TDRD3: variants seen among roughly 807,000 people sequenced by gnomAD.
TDRD3 encodes the protein tudor domain containing 3.
Under a neutral mutation model 86.7 loss-of-function variants are expected in TDRD3, and 45 were observed. That is an observed-to-expected ratio of 0.52 (90% CI 0.41 to 0.67). The LOEUF (loss-of-function observed/expected upper bound fraction) is 0.67. Ranked by LOEUF, TDRD3 falls within the 30% of genes least tolerant of loss-of-function variation. The probability of loss-of-function intolerance (pLI) is 0.00; values close to 1 mark genes in which losing one functional copy is unlikely to be tolerated. For missense variants in TDRD3, 814 were observed against 889.0 expected, an observed-to-expected ratio of 0.92 and a Z score of 1.07; for synonymous variants, 298 against 301.7, an observed-to-expected ratio of 0.99 and a Z score of 0.13.
chr13:60,528,670 A>G lies in TDRD3; in HGVS notation c.1445A>G (p.Asp482Gly), dbSNP rs746726013. ...TATTCTAGATATGACAGAACTAAAGATACTTCATATCCTTTAGGTTCTCAG... is the reference window on the plus strand; with the variant it reads ...TATTCTAGATATGACAGAACTAAAGGTACTTCATATCCTTTAGGTTCTCAG... ...RPYSRYDRTKDTSYPLGSQHS... is the reference protein window; with the variant it reads ...RPYSRYDRTKGTSYPLGSQHS... The change falls in exon 11 of 14, where the codon GAT becomes GGT. Residue 482 changes from aspartate to glycine, a missense_variant. By Grantham distance (94) the Asp-to-Gly change is moderately conservative (BLOSUM62 -1). Coordinates refer to ENST00000377881, the MANE Select transcript of TDRD3 (RefSeq NM_001146070.2). 3 of 1,613,838 alleles carry G rather than the reference A, an allele frequency of 1.9e-6. No individual in the cohort carries two copies. The highest frequency in any genetic ancestry group is 2.5e-6 in the Non-Finnish European group (3 of 1,179,786).
chr13:60,412,008 C>T (rs929004591), intron 1 of TDRD3, among the ~76,000 whole-genome samples: 6 of 152,104 alleles, frequency 3.9e-5, no homozygotes, highest in East Asian at 1.9e-4. Context: ...AGAGAGACAT[C>T]GTATCCTTGG....
chr13:60,415,588 A>T (rs772786171), intron 1 of TDRD3, among the ~76,000 whole-genome samples: 10 of 152,148 alleles, frequency 6.6e-5, no homozygotes, highest in Non-Finnish European at 1.2e-4. Context: ...TCATTCACAC[A>T]CTTAAAGAAT....
At chr13:60,423,032 T>C (rs796656846) in intron 1 of TDRD3, among the ~76,000 whole-genome samples, 28 of 152,128 alleles carry the variant, frequency 1.8e-4, no homozygotes, top group African/African-American at 6.3e-4. Flanking sequence ...ATTAAGATAA[T>C]AAAATCCTTA....
Position 60,573,837 on chromosome 13 carries a change from T to C in TDRD3, c.*231T>C, listed in dbSNP as rs1423584824. On this transcript the variant is annotated 3_prime_UTR_variant, in exon 14 of 14. Coordinates refer to ENST00000377881, the MANE Select transcript of TDRD3 (RefSeq NM_001146070.2). Reference sequence around the variant, plus strand: ...CCTTTTACAAGTGAAAGGAAGAATTTTTCTTCTGCCGTCAATAAAACCATT... The same window carrying C: ...CCTTTTACAAGTGAAAGGAAGAATTCTTCTTCTGCCGTCAATAAAACCATT... 5.6e-6 allele frequency: 1 copy of C among 178,586 alleles called. No individual in the cohort carries two copies. The highest frequency in any genetic ancestry group is 1.1e-5 in the Non-Finnish European group (1 of 92,348). 11.1% of individuals were successfully genotyped at this position (178,586 alleles called of 1,614,324 possible).
chr13:60,506,698 A>G lies in TDRD3; in HGVS notation c.859-3065A>G, dbSNP rs138020007. On this transcript the variant is annotated intron_variant, in intron 8 of 13. Coordinates refer to ENST00000377881, the MANE Select transcript of TDRD3 (RefSeq NM_001146070.2). Reference sequence around the variant, plus strand: ...CTGGAACCTGGGAGGCGGAGTTTGCAGTGAGCTGAGATTGCACTACGGCAC... The same window carrying G: ...CTGGAACCTGGGAGGCGGAGTTTGCGGTGAGCTGAGATTGCACTACGGCAC... Among the ~76,000 whole-genome samples the G allele has an allele frequency of 1.3e-4, 20 of 152,206 alleles. No individual in the cohort carries two copies. The East Asian group carries it at 3.3e-3, about 25-fold the overall frequency.
At position 60,438,060 on chromosome 13, in the gene TDRD3, G is replaced by A. The variant is rs76240680; in HGVS notation, c.42-1628G>A. ...AGCTGTTTATGTATTGTGTTATACTGTATAGCAGACTGTAAACTTCTTGAG... is the reference window on the plus strand; with the variant it reads ...AGCTGTTTATGTATTGTGTTATACTATATAGCAGACTGTAAACTTCTTGAG... On this transcript the variant is annotated intron_variant, in intron 1 of 13. Transcript: ENST00000377881. 4.1e-3 allele frequency among the ~76,000 whole-genome samples: 620 copies of A among 152,070 alleles called. 3 individuals carry two copies. The highest frequency in any genetic ancestry group is 0.014 in the African/African-American group (577 of 41,488).
chr13:60,471,440 A>G (rs1473017455), intron 5 of TDRD3, among the ~76,000 whole-genome samples: 1 of 151,990 alleles, frequency 6.6e-6, no homozygotes, highest in Non-Finnish European at 1.5e-5. Flanking sequence ...GTAACTTTTT[A>G]TTAAGTTTCA....
At chr13:60,523,573 C>CTTTTTTTT (rs67692021) in intron 10 of TDRD3, among the ~76,000 whole-genome samples, 31 of 105,014 alleles carry the variant, frequency 3.0e-4, no homozygotes, top group East Asian at 5.5e-4. Flanking sequence ...ATACATTTTT[C>CTTTTTTTT]TTTTTTTTTT....
chr13:60,439,796 A>T lies in TDRD3; in HGVS notation c.126+24A>T. ...ATGTAGGTTATATTTATTAACTTGT[A>T]AACATTTGAAATCTGGAAGCTGTAT... is the stretch of plus-strand genomic sequence containing the variant. On this transcript the variant is annotated intron_variant, in intron 2 of 13. Transcript: ENST00000377881. 3 of 1,438,296 alleles carry T rather than the reference A, an allele frequency of 2.1e-6. 1 individual carries two copies. The South Asian group carries it at 4.4e-5, about 21-fold the overall frequency. The allele number at this position is 1,438,296 out of a possible 1,614,324, so 89.1% of individuals were successfully genotyped here. A position where few individuals can be genotyped will look rare whatever the true frequency, so the allele number is the denominator to read the frequency against.
At chr13:60,557,929 T>C (rs1958239443) in intron 12 of TDRD3, among the ~76,000 whole-genome samples, 1 of 148,726 alleles carries the variant, frequency 6.7e-6, no homozygotes. Context: ...TTCAAGTGAT[T>C]CTTCTGCCTC....
chr13:60,541,005 C>A (rs965212612), intron 12 of TDRD3, among the ~76,000 whole-genome samples: 1 of 152,062 alleles, frequency 6.6e-6, no homozygotes, highest in African/African-American at 2.4e-5. Context: ...ATAATTTAAG[C>A]CTCAAATTAT....
At chr13:60,450,979 TACAC>T (rs573629394) in intron 3 of TDRD3, among the ~76,000 whole-genome samples, 1 of 152,114 alleles carries the variant, frequency 6.6e-6, no homozygotes, top group Non-Finnish European at 1.5e-5. Flanking sequence ...AGATCACGCA[TACAC>T]ACACACTATA....
upstream of TDRD3, among the ~76,000 whole-genome samples, chr13:60,396,083 G>A (rs954369376): frequency 3.9e-5 from 6 of 152,142 alleles, no homozygotes; most frequent in African/African-American, 1.4e-4. Context: ...TTCCGTAACT[G>A]CCAATTTCCT....
At position 60,537,273 on chromosome 13, in the gene TDRD3, T is replaced by C. The variant is rs530652231; in HGVS notation, c.2118+2040T>C. The C allele has an allele frequency of 9.2e-5, 14 of 152,230 alleles. No homozygotes were observed. The East Asian group carries it at 2.7e-3, about 29-fold the overall frequency. The allele number at this position is 152,230 out of a possible 1,614,324, so 9.4% of individuals were successfully genotyped here. On this transcript the variant is annotated intron_variant, in intron 12 of 13. Transcript: ENST00000377881. ...AGACATCTCTGGATCATGCACATTA[T>C]GATCAGCCTTTCTTCTTTATCTGCA... is the stretch of plus-strand genomic sequence containing the variant.
intron 13 of TDRD3, among the ~76,000 whole-genome samples, chr13:60,572,384 A>G (rs1958606841): frequency 6.6e-6 from 1 of 152,228 alleles, no homozygotes. Flanking sequence ...TAAGAGAGTG[A>G]TATGATCAAA....
intron 10 of TDRD3, among the ~76,000 whole-genome samples, chr13:60,520,342 C>T (rs1957263004): frequency 6.6e-6 from 1 of 152,076 alleles, no homozygotes; most frequent in South Asian, 2.1e-4. Context: ...TTGGAATATA[C>T]AATAATTTTT....
At chr13:60,408,118 T>C (rs1391916957) in intron 1 of TDRD3, among the ~76,000 whole-genome samples, 3 of 151,616 alleles carry the variant, frequency 2.0e-5, no homozygotes, top group Non-Finnish European at 4.4e-5. Flanking sequence ...TCAGGAGGTC[T>C]GATGGGTTTA....
chr13:60,413,531 T>G (rs978537197), intron 1 of TDRD3, among the ~76,000 whole-genome samples: 1 of 152,226 alleles, frequency 6.6e-6, no homozygotes, highest in South Asian at 2.1e-4. Flanking sequence ...GGAGGATTAA[T>G]AAGTTAATAC....
chr13:60,545,436 A>G (rs1272691574), intron 12 of TDRD3, among the ~76,000 whole-genome samples: 1 of 152,122 alleles, frequency 6.6e-6, no homozygotes, highest in East Asian at 1.9e-4. Flanking sequence ...CTTGGTCATG[A>G]TTATTAAAGA....
Sources: gnomAD v4.1 joint callset for allele counts (sites outside exome capture counted in the v4.1 genomes callset) on GRCh38, gnomAD v4.1.1 for gene constraint, MANE v1.5 for transcripts, NCBI Gene and HGNC (gene_info 2026-07-23, HGNC 2026-07-21) for gene names.